Variants in FHOD3 observed in about 807,000 individuals in gnomAD.
The protein encoded by FHOD3 is formin homology 2 domain containing 3, also known as FH1/FH2 domain-containing protein 3.
In FHOD3, 90 loss-of-function variants were observed where a neutral mutation model predicts 173.0. The observed-to-expected ratio is 0.52, with a 90% confidence interval of 0.44 to 0.62. The LOEUF (loss-of-function observed/expected upper bound fraction) is 0.62. FHOD3 is among the 20% of genes least tolerant of loss of function. FHOD3 has a pLI of 0.00. For synonymous variants in FHOD3, 828 were observed against 823.0 expected (o/e 1.01, Z -0.10); for missense variants, 1,945 against 2,034.7 (o/e 0.96, Z 0.85).
chr18:36,546,267 CTGCTAAGGTACTTAA>C (rs1215908687), intron 5 of FHOD3, among the ~76,000 whole-genome samples: 6 of 152,338 alleles, frequency 3.9e-5, no homozygotes, highest in South Asian at 4.1e-4. Flanking sequence ...TATGTACTAA[CTGCTAAGGTACTTAA>C]TGGCACCTTG....
In FHOD3 at chr18:36,718,135, G is replaced by C. The variant is rs1317546979; in HGVS notation, c.2837G>C (p.Ser946Thr). ...SVKAFAEKFNSGDLGRGSISP... is the reference protein window; with the variant it reads ...SVKAFAEKFNTGDLGRGSISP... ...AAAGCATTTGCTGAGAAATTCAACA[G>C]TGGGGACCTGGGGAGAGGTTCCATC... Residue 946 changes from serine to threonine, a missense_variant, in exon 19 of 29, where the codon AGT (serine) becomes ACT (threonine). Physicochemically the swap from Ser to Thr is moderately conservative, Grantham distance 58 (BLOSUM62 1). Transcript: ENST00000590592. The C allele has an allele frequency of 3.7e-6, 6 of 1,605,736 alleles. No individual in the cohort carries two copies. The highest frequency in any genetic ancestry group is 5.1e-6 in the Non-Finnish European group (6 of 1,175,630).
At chr18:36,509,718 T>C (rs1293998788) in intron 4 of FHOD3, among the ~76,000 whole-genome samples, 1 of 152,238 alleles carries the variant, frequency 6.6e-6, no homozygotes, top group Admixed American at 6.5e-5. Context: ...CCGTTGTCTT[T>C]TGTATATGTT....
intron 14 of FHOD3, among the ~76,000 whole-genome samples, chr18:36,681,169 G>T (rs1166187250): frequency 6.6e-6 from 1 of 152,092 alleles, no homozygotes; most frequent in Non-Finnish European, 1.5e-5. Context: ...TCCCATTCTT[G>T]AGGGCTGCTT....
chr18:36,554,223 A>G lies in FHOD3; in HGVS notation c.512-22228A>G, dbSNP rs1449909923. ...TGTGGCACTATTCACAATAGCAAAG[A>G]CTTGGAACCAACCCAAATGTCCATC... On this transcript the variant is annotated intron_variant, in intron 5 of 28. Transcript: ENST00000590592. 2.6e-5 allele frequency among the ~76,000 whole-genome samples: 4 copies of G among 152,122 alleles called. No individual in the cohort carries two copies. In the East Asian group the frequency reaches 7.7e-4, roughly 29 times the overall value.
intron 5 of FHOD3, among the ~76,000 whole-genome samples, chr18:36,547,967 G>A (rs1329180067): frequency 6.6e-6 from 1 of 152,156 alleles, no homozygotes; most frequent in African/African-American, 2.4e-5. Context: ...CCAAAGAAGC[G>A]GATTACCTGA....
At chr18:36,733,819 G>A (rs2041493929) in intron 20 of FHOD3, among the ~76,000 whole-genome samples, 1 of 152,182 alleles carries the variant, frequency 6.6e-6, no homozygotes, top group Non-Finnish European at 1.5e-5. Context: ...AGCTTATGAG[G>A]TACATATGCT....
At chr18:36,673,447 A>T (rs190353801) in intron 14 of FHOD3, among the ~76,000 whole-genome samples, 1 of 152,152 alleles carries the variant, frequency 6.6e-6, no homozygotes, top group African/African-American at 2.4e-5. Context: ...TTGAATTCCT[A>T]TGAGAAAAAA....
intron 5 of FHOD3, among the ~76,000 whole-genome samples, chr18:36,528,649 G>C (rs906857076): frequency 6.6e-6 from 1 of 152,102 alleles, no homozygotes; most frequent in Admixed American, 6.5e-5. Context: ...CTGGATACTG[G>C]GCAATTTCAT....
At position 36,709,369 on chromosome 18, in the gene FHOD3, G is replaced by A. The variant is rs2040046565; in HGVS notation, c.2511G>A (p.Lys837=). The A allele has an allele frequency of 6.2e-7, 1 of 1,614,010 alleles. No individual in the cohort carries two copies. ...TGGAGAGGGAGGAGAAGGAGGACAA[G>A]CTCTCCAGGGACAGGACAACTGGTA... is the stretch of plus-strand genomic sequence containing the variant. ...STLEREEKED[K]LSRDRTTGLW... Residue 837 remains lysine (K), a synonymous_variant, in exon 18 of 29, where the codon AAG becomes AAA. Coordinates refer to ENST00000590592, the MANE Select transcript of FHOD3 (RefSeq NM_001281740.3).
chr18:36,298,576 T>TA (rs1450512550), intron 1 of FHOD3, among the ~76,000 whole-genome samples: 3 of 152,080 alleles, frequency 2.0e-5, no homozygotes, highest in African/African-American at 7.2e-5. Context: ...CACACTGCGA[T>TA]AGCGCTCAGG....
At chr18:36,395,588 C>T (rs2048518844) in intron 3 of FHOD3, among the ~76,000 whole-genome samples, 1 of 151,954 alleles carries the variant, frequency 6.6e-6, no homozygotes, top group African/African-American at 2.4e-5. Flanking sequence ...ATTTATTCCC[C>T]TCTTTCATTC....
intron 3 of FHOD3, among the ~76,000 whole-genome samples, chr18:36,376,781 A>G (rs977755158): frequency 6.6e-6 from 1 of 152,242 alleles, no homozygotes; most frequent in Non-Finnish European, 1.5e-5. Context: ...TGCAGGCCCT[A>G]TCATGCAGCC....
intron 3 of FHOD3, among the ~76,000 whole-genome samples, chr18:36,471,385 T>C (rs1199007293): frequency 6.6e-6 from 1 of 152,178 alleles, no homozygotes; most frequent in Non-Finnish European, 1.5e-5. Context: ...CTACACCTCC[T>C]CCCAGAAGGC....
chr18:36,651,883 T>C (rs1445652393), intron 11 of FHOD3, among the ~76,000 whole-genome samples: 3 of 152,332 alleles, frequency 2.0e-5, no homozygotes, highest in African/African-American at 7.2e-5. Flanking sequence ...GGGACTGAGG[T>C]CAGGATTTTA....
intron 17 of FHOD3, 50 bp from the exon 18 acceptor site, chr18:36,709,045 C>G (rs528961996): frequency 1.5e-5 from 24 of 1,579,810 alleles, no homozygotes; most frequent in African/African-American, 2.7e-5. Context: ...CTCACTTCAC[C>G]CTTCCAAGAA....
chr18:36,508,245 T>C (rs975116436), intron 4 of FHOD3, among the ~76,000 whole-genome samples: 3 of 151,714 alleles, frequency 2.0e-5, no homozygotes, highest in Admixed American at 2.0e-4. Flanking sequence ...AATGAACCCA[T>C]GTATATTATC....
At chr18:36,547,757 C>T (rs2057471942) in intron 5 of FHOD3, among the ~76,000 whole-genome samples, 2 of 152,200 alleles carry the variant, frequency 1.3e-5, no homozygotes, top group African/African-American at 4.8e-5. Flanking sequence ...GTTCTTCACA[C>T]CCCACAGCCA....
At chr18:36,349,836 G>T (rs1438880006) in intron 1 of FHOD3, among the ~76,000 whole-genome samples, 1 of 152,128 alleles carries the variant, frequency 6.6e-6, no homozygotes, top group African/African-American at 2.4e-5. Flanking sequence ...CGCAATCTTG[G>T]CTCACTGTGA....
intron 5 of FHOD3, among the ~76,000 whole-genome samples, chr18:36,556,940 T>C (rs2057911076): frequency 6.6e-6 from 1 of 152,214 alleles, no homozygotes; most frequent in African/African-American, 2.4e-5. Flanking sequence ...TTTCACCTGG[T>C]ATAAAATTCT....
Sources: allele counts gnomAD v4.1 joint callset (sites outside exome capture counted in the v4.1 genomes callset), GRCh38; gene constraint gnomAD v4.1.1; transcripts MANE v1.5; gene names NCBI Gene and HGNC (gene_info 2026-07-23, HGNC 2026-07-21).